The following GFAP variants were observed in gnomAD, a reference collection of about 807,000 sequenced individuals.
The protein encoded by GFAP is glial fibrillary acidic protein, also known as intermediate filament protein.
Under a neutral mutation model 49.3 loss-of-function variants are expected in GFAP, and 38 were observed. The ratio of observed to expected loss-of-function variants is 0.77; its 90% confidence interval spans 0.60 to 1.01. The LOEUF (loss-of-function observed/expected upper bound fraction) is 1.01. GFAP is among the 50% of genes least tolerant of loss of function. The pLI is 0.00. For missense variants in GFAP, 463 were observed against 579.1 expected (o/e 0.80, Z 2.06); for synonymous variants, 222 against 236.4 (o/e 0.94, Z 0.56).
intron 4 of GFAP, chr17:44,912,953 C>T: frequency 2.6e-6 from 1 of 387,590 alleles, no homozygotes; most frequent in Admixed American, 3.7e-5. Context: ...TAGTTAACCT[C>T]TCTGGACTTC....
At chr17:44,913,673 C>T (rs749623223) in intron 3 of GFAP, 55 bp downstream of exon 3, 5 of 1,316,520 alleles carry the variant, frequency 3.8e-6, no homozygotes, top group Middle Eastern at 1.8e-4. Context: ...TCTGTCTCTC[C>T]CTCTCTCAGT....
chr17:44,909,952 T>G, intron 7 of GFAP: 1 of 1,443,548 alleles, frequency 6.9e-7, no homozygotes, highest in Middle Eastern at 2.6e-4. Flanking sequence ...GCTCTGCCAG[T>G]TTAATGTACA....
Position 44,903,621 on chromosome 17 carries a change from T to G in GFAP, c.*3726A>C. ...TTTCCCCCCCCACCCTGAGATCAGG[T>G]CTGGAATGTTAGAAGGGCATCTTGT... is the stretch of plus-strand genomic sequence containing the variant. On this transcript the variant is annotated 3_prime_UTR_variant, in exon 9 of 9. Coordinates refer to ENST00000588735, the MANE Select transcript of GFAP (RefSeq NM_002055.5). 1.4e-6 allele frequency: 2 copies of G among 1,428,510 alleles called. No homozygotes were observed. The highest frequency in any genetic ancestry group is 3.1e-5 in the South Asian group (2 of 64,930). 88.5% of individuals were successfully genotyped at this position (1,428,510 alleles called of 1,614,324 possible).
In GFAP at chr17:44,904,557, G is replaced by A. The variant is rs1244209905; in HGVS notation, c.*2790C>T. The A allele has an allele frequency of 6.4e-7, 1 of 1,550,626 alleles. No individual in the cohort carries two copies. Among genetic ancestry groups the A allele is most frequent in the Admixed American group, 2.0e-5 (1 of 51,014 alleles). ...CTGGTTCGGAGCTGCTTAGTACCCT[G>A]TGAGAAGACAAAGACCATCCGGGAG... On this transcript the variant is annotated 3_prime_UTR_variant, in exon 9 of 9. Coordinates refer to ENST00000588735, the MANE Select transcript of GFAP (RefSeq NM_002055.5).
rs9916491 is a variant in GFAP, at chr17:44,910,156, T to C, written c.1171+459A>G. On this transcript the variant is annotated intron_variant, in intron 7 of 8. Coordinates refer to ENST00000588735, the MANE Select transcript of GFAP (RefSeq NM_002055.5). ...GGCAGCTAACCGCGAGCCGGCGGCG[T>C]TCCATTTACAATCTGGTGAGCCTGT... 0.27 allele frequency: 438,144 copies of C among 1,613,168 alleles called. 59,886 individuals carry two copies. Among genetic ancestry groups the C allele is most frequent in the South Asian group, 0.28 (25,674 of 91,076 alleles).
Position 44,911,429 on chromosome 17 carries a change from C to T in GFAP, c.934G>A (p.Glu312Lys), listed in dbSNP as rs763868966. 1.1e-5 allele frequency: 18 copies of T among 1,610,918 alleles called. No homozygotes were observed. In the Admixed American group the frequency reaches 2.2e-4, roughly 19 times the overall value. Residue 312 changes from glutamate to lysine, a missense_variant, in exon 6 of 9, where the codon GAG becomes AAG. By Grantham distance (56) the Glu-to-Lys change is moderately conservative (BLOSUM62 1). Transcript: ENST00000588735. ...TNESLERQMR[E>K]QEERHVREAA... ...TCCCGCACGTGCCGCTCCTCCTGCT[C>T]GCGCATCTGCCTCTCCAGGGACTCG...
rs1345149232 is a variant in GFAP at position 44,905,037 on chromosome 17, A to T, written c.*2310T>A. The T allele has an allele frequency of 1.9e-6, 3 of 1,548,118 alleles. No homozygotes were observed. The highest frequency in any genetic ancestry group is 2.4e-5 in the South Asian group (2 of 83,870). ...ATTCACTTCTGTCGTTGCTGCTGCT[A>T]CTTATTTCACTGTTGTCCCAGCTTC... On this transcript the variant is annotated 3_prime_UTR_variant, in exon 9 of 9. Coordinates refer to ENST00000588735, the MANE Select transcript of GFAP (RefSeq NM_002055.5).
Position 44,904,217 on chromosome 17 carries a change from G to A in GFAP, c.*3130C>T. The A allele has an allele frequency of 6.4e-7, 1 of 1,550,564 alleles. No homozygotes were observed. Among genetic ancestry groups the A allele is most frequent in the Non-Finnish European group, 8.7e-7 (1 of 1,146,998 alleles). On this transcript the variant is annotated 3_prime_UTR_variant, in exon 9 of 9. Transcript: ENST00000588735. ...CCTGTACTTCTGCGGCACCCGCAAG[G>A]GGGACTACTTTTACGCCTACGATGT...
chr17:44,914,132 A>G, intron 1 of GFAP, 44 bp from the exon 2 acceptor site: 1 of 1,351,992 alleles, frequency 7.4e-7, no homozygotes, highest in Non-Finnish European at 1.0e-6. Context: ...TCTTCTGAGG[A>G]CACTTGAATA....
At position 44,903,919 on chromosome 17, in the gene GFAP, C is replaced by G; in HGVS notation, c.*3428G>C. The G allele has an allele frequency of 6.4e-7, 1 of 1,550,622 alleles. No individual in the cohort carries two copies. The highest frequency in any genetic ancestry group is 2.0e-5 in the Admixed American group (1 of 51,004). ...AGAAGGAAAACATTTTTCAGAGGAC[C>G]CCCTGCCCTGCTTTCCTGATGTTTG... is the stretch of plus-strand genomic sequence containing the variant. On this transcript the variant is annotated 3_prime_UTR_variant, in exon 9 of 9. Coordinates refer to ENST00000588735, the MANE Select transcript of GFAP (RefSeq NM_002055.5).
In GFAP at chr17:44,915,037, AGT is replaced by A; in HGVS notation, c.448_449del (p.Thr150CysfsTer8). On this transcript the variant is annotated frameshift_variant, in exon 1 of 9. Transcript: ENST00000588735. LOFTEE classifies it high-confidence loss of function. This position sits in a 1 kb window ranked among gnomAD's most constrained non-coding sequence, Gnocchi z 4.1. ...ERDNLAQDLA[T>X]VRQKLQDETN... ...CATCCCCTCCTCACTTCTGCCTCAC[AGT>A]GGCCAGGTCCTGTGCCAGATTGTCC... 1 of 1,610,710 alleles carries A rather than the reference AGT, an allele frequency of 6.2e-7. No individual in the cohort carries two copies. Among genetic ancestry groups the A allele is most frequent in the Non-Finnish European group, 8.5e-7 (1 of 1,179,452 alleles).
rs1418405079 is a variant in GFAP, at chr17:44,914,952, ACTTCTCGGGCACTC to A, written c.461+60_461+73del. 2.2e-6 allele frequency: 3 copies of A among 1,370,198 alleles called. No individual in the cohort carries two copies. The East Asian group carries it at 7.0e-5, about 32-fold the overall frequency. 84.9% of individuals were successfully genotyped at this position (1,370,198 alleles called of 1,614,324 possible). A position where few individuals can be genotyped will look rare whatever the true frequency, so the allele number is the denominator to read the frequency against. Reference sequence around the variant, plus strand: ...CAGGGAGGTTCGGCCCCTCCCTGAGACTTCTCGGGCACTCCTTCTTGGGGATTCAGCCCCTTCTG... The same window carrying A: ...CAGGGAGGTTCGGCCCCTCCCTGAGACTTCTTGGGGATTCAGCCCCTTCTG... On this transcript the variant is annotated intron_variant, in intron 1 of 8. Transcript: ENST00000588735.
At chr17:44,907,600 G>A (rs1567770333) in intron 8 of GFAP, 4 of 633,434 alleles carry the variant, frequency 6.3e-6, no homozygotes, top group Admixed American at 2.2e-5. Flanking sequence ...CGAGTGGTAA[G>A]CTGCTGGAGT....
At position 44,907,092 on chromosome 17, in the gene GFAP, CCCTCCAGA is replaced by C; in HGVS notation, c.*247_*254del. 1 of 577,978 alleles carries C rather than the reference CCCTCCAGA, an allele frequency of 1.7e-6. No homozygotes were observed. The highest frequency in any genetic ancestry group is 3.1e-6 in the Non-Finnish European group (1 of 321,942). 35.8% of individuals were successfully genotyped at this position (577,978 alleles called of 1,614,324 possible). A position where few individuals can be genotyped will look rare whatever the true frequency, so the allele number is the denominator to read the frequency against. ...TTCTAACGCAAGCTGCTGGCCATGC[CCCTCCAGA>C]CTGCCCCTTGGGGGTGAGTTTCTTG... On this transcript the variant is annotated 3_prime_UTR_variant, in exon 9 of 9. Coordinates refer to ENST00000588735, the MANE Select transcript of GFAP (RefSeq NM_002055.5).
chr17:44,914,973 G>A, intron 1 of GFAP, 53 bp downstream of exon 1: 8 of 1,503,116 alleles, frequency 5.3e-6, no homozygotes, highest in Non-Finnish European at 7.3e-6. Context: ...ACTCCTTCTT[G>A]GGGATTCAGC....
At chr17:44,912,820 A>G (rs150646155) in intron 4 of GFAP, 50 of 251,876 alleles carry the variant, frequency 2.0e-4, no homozygotes, top group African/African-American at 1.1e-3. Flanking sequence ...TGCCTGGCAT[A>G]TGGTAGAGGC....
chr17:44,906,919 G>A lies in GFAP; in HGVS notation c.*428C>T. 3.9e-6 allele frequency: 1 copy of A among 254,130 alleles called. No individual in the cohort carries two copies. Among genetic ancestry groups the A allele is most frequent in the South Asian group, 5.0e-5 (1 of 20,200 alleles). 15.7% of individuals were successfully genotyped at this position (254,130 alleles called of 1,614,324 possible). Reference sequence around the variant, plus strand: ...TCTGAGTCTCAGTTTTCCTCCAGCAGCCTGAGGAAACTCAAAGGCACAGTT... The same window carrying A: ...TCTGAGTCTCAGTTTTCCTCCAGCAACCTGAGGAAACTCAAAGGCACAGTT... On this transcript the variant is annotated 3_prime_UTR_variant, in exon 9 of 9. Transcript: ENST00000588735.
rs766957916 is a variant in GFAP at position 44,915,465 on chromosome 17, AGGT to A, written c.19_21del (p.Thr7del). 6.3e-7 allele frequency: 1 copy of A among 1,593,576 alleles called. No homozygotes were observed. Reference sequence around the variant, plus strand: ...GAGACGTAGGAGCGGCGAGCAGCGGAGGTGATGCGTCTCCTCTCCATCCTGCTC... The same window carrying A: ...GAGACGTAGGAGCGGCGAGCAGCGGAGATGCGTCTCCTCTCCATCCTGCTC... On this transcript the variant is annotated inframe_deletion, in exon 1 of 9. Transcript: ENST00000588735. The surrounding 1 kb of genome is among the most constrained non-coding windows in gnomAD (Gnocchi z 4.1).
At chr17:44,911,593 C>A in intron 5 of GFAP, 79 bp downstream of exon 5, 1 of 1,591,926 alleles carries the variant, frequency 6.3e-7, no homozygotes, top group Non-Finnish European at 8.5e-7. Flanking sequence ...GGTCCTCGTC[C>A]CTGGCCCTTC....
Sources: gnomAD v4.1 joint callset for allele counts on GRCh38, gnomAD v4.1.1 for gene constraint, Gnocchi (gnomAD v3.1) non-coding constraint, MANE v1.5 for transcripts, NCBI Gene and HGNC (gene_info 2026-07-23, HGNC 2026-07-21) for gene names.